Variants in SLC25A21 observed in about 807,000 individuals in gnomAD.
SLC25A21 encodes the protein mitochondrial 2-oxodicarboxylate carrier.
A neutral mutation model predicts 43.8 loss-of-function variants in SLC25A21; 47 were observed. The observed-to-expected ratio is 1.07, with a 90% confidence interval of 0.85 to 1.37. The LOEUF (loss-of-function observed/expected upper bound fraction) is 1.37, where lower values mean the gene tolerates loss of function less well. Ranked by LOEUF, SLC25A21 falls within the 40% of genes most tolerant of loss-of-function variation. SLC25A21 has a pLI of 0.00. For missense variants in SLC25A21, 352 were observed against 350.2 expected (o/e 1.00, Z -0.04); for synonymous variants, 131 against 121.3 (o/e 1.08, Z -0.52).
chr14:37,013,363 T>C (rs1960774897), intron 1 of SLC25A21, among the ~76,000 whole-genome samples: 2 of 152,292 alleles, frequency 1.3e-5, no homozygotes, highest in South Asian at 2.1e-4. Flanking sequence ...GGGTGACCTC[T>C]TACTGGGTTT....
chr14:37,055,518 T>C (rs1455496570), intron 1 of SLC25A21, among the ~76,000 whole-genome samples: 1 of 152,194 alleles, frequency 6.6e-6, no homozygotes, highest in Non-Finnish European at 1.5e-5. Context: ...GAACTTCTTA[T>C]GACTTGGGAG....
chr14:37,129,943 G>A (rs1018377353), intron 1 of SLC25A21, among the ~76,000 whole-genome samples: 1 of 151,944 alleles, frequency 6.6e-6, no homozygotes, highest in Non-Finnish European at 1.5e-5. Context: ...CAAAACCAAT[G>A]CCTTTAGCAT....
At chr14:37,109,762 A>G (rs1234925716) in intron 1 of SLC25A21, among the ~76,000 whole-genome samples, 1 of 152,134 alleles carries the variant, frequency 6.6e-6, no homozygotes, top group Non-Finnish European at 1.5e-5. Context: ...TGAGAAGATT[A>G]TATCTTTGGT....
At chr14:37,081,175 C>A (rs1884222) in intron 1 of SLC25A21, among the ~76,000 whole-genome samples, 173 of 152,196 alleles carry the variant, frequency 1.1e-3, no homozygotes, top group African/African-American at 3.7e-3. Flanking sequence ...TATTTGGGAA[C>A]GTGAGAAAAG....
chr14:36,860,047 A>G (rs1010717498), intron 2 of SLC25A21, among the ~76,000 whole-genome samples: 1 of 152,038 alleles, frequency 6.6e-6, no homozygotes, highest in Admixed American at 6.5e-5. Flanking sequence ...CTACACTCCA[A>G]TGGAAGTGGG....
intron 1 of SLC25A21, among the ~76,000 whole-genome samples, chr14:37,050,753 T>A (rs714269): frequency 2.8e-4 from 43 of 152,106 alleles, no homozygotes; most frequent in Middle Eastern, 3.4e-3. Context: ...AACCAAGTAC[T>A]TCTCAGATCC....
chr14:37,113,062 G>A (rs1358857485), intron 1 of SLC25A21, among the ~76,000 whole-genome samples: 2 of 152,002 alleles, frequency 1.3e-5, no homozygotes, highest in Non-Finnish European at 2.9e-5. Context: ...ACTCTAGCTC[G>A]GTCAAGTCAC....
intron 1 of SLC25A21, among the ~76,000 whole-genome samples, chr14:37,060,257 G>A (rs79501606): frequency 0.01 from 1,565 of 151,864 alleles, 32 homozygotes; most frequent in African/African-American, 0.036. Flanking sequence ...CGATCATGCT[G>A]ACACTGTGAT....
chr14:36,915,507 TCC>T (rs1891805939), intron 1 of SLC25A21, among the ~76,000 whole-genome samples: 1 of 151,878 alleles, frequency 6.6e-6, no homozygotes, highest in African/African-American at 2.4e-5. Context: ...AATAATACTG[TCC>T]ATCTTGTTAG....
At chr14:36,830,288 C>T (rs187895748) in intron 2 of SLC25A21, among the ~76,000 whole-genome samples, 2 of 152,314 alleles carry the variant, frequency 1.3e-5, no homozygotes, top group East Asian at 1.9e-4. Flanking sequence ...AAAGATGCTA[C>T]CTAAGCACCC....
At chr14:37,108,126 G>C (rs1962948869) in intron 1 of SLC25A21, among the ~76,000 whole-genome samples, 1 of 152,164 alleles carries the variant, frequency 6.6e-6, no homozygotes, top group African/African-American at 2.4e-5. Flanking sequence ...TGCCTCCCAA[G>C]ATGATATTAT....
At chr14:37,135,165 T>A (rs913863902) in intron 1 of SLC25A21, among the ~76,000 whole-genome samples, 1 of 152,142 alleles carries the variant, frequency 6.6e-6, no homozygotes, top group Non-Finnish European at 1.5e-5. Context: ...TGACCTCAAG[T>A]GATCCACCCA....
intron 1 of SLC25A21, among the ~76,000 whole-genome samples, chr14:36,978,153 T>C (rs1959925202): frequency 6.6e-6 from 1 of 152,140 alleles, no homozygotes; most frequent in Non-Finnish European, 1.5e-5. Context: ...AACAATATTC[T>C]GAGAAGTGGC....
chr14:36,998,633 A>G (rs1960422912), intron 1 of SLC25A21, among the ~76,000 whole-genome samples: 1 of 152,176 alleles, frequency 6.6e-6, no homozygotes, highest in Admixed American at 6.6e-5. Context: ...AATGTGTGAC[A>G]AAGAAGAGCC....
intron 2 of SLC25A21, among the ~76,000 whole-genome samples, chr14:36,827,958 C>A (rs186178776): frequency 7.2e-4 from 109 of 152,302 alleles, no homozygotes; most frequent in African/African-American, 2.5e-3. Flanking sequence ...AGACACAAGA[C>A]AACTTTTTTG....
rs184827027 is a variant in SLC25A21 at position 36,935,512 on chromosome 14, A to G, written c.71-60508T>C. Among the ~76,000 whole-genome samples the G allele has an allele frequency of 8.9e-4, 135 of 152,306 alleles. 1 individual carries two copies. Among genetic ancestry groups the G allele is most frequent in the Middle Eastern group, 6.8e-3 (2 of 294 alleles). ...TTAGGAGCAAACAGGTTTCTGTGGA[A>G]GCCACCTAATGTCTATACTTATCAT... On this transcript the variant is annotated intron_variant, in intron 1 of 9. Coordinates refer to ENST00000331299, the MANE Select transcript of SLC25A21 (RefSeq NM_030631.4).
At chr14:37,046,387 G>T (rs919128569) in intron 1 of SLC25A21, among the ~76,000 whole-genome samples, 1 of 152,040 alleles carries the variant, frequency 6.6e-6, no homozygotes, top group East Asian at 1.9e-4. Flanking sequence ...CCCAAAGAAG[G>T]CTGTGACTGC....
At chr14:37,113,217 T>C (rs1314370545) in intron 1 of SLC25A21, among the ~76,000 whole-genome samples, 1 of 152,186 alleles carries the variant, frequency 6.6e-6, no homozygotes, top group Non-Finnish European at 1.5e-5. Context: ...ATCTGCTAGC[T>C]TCTTATTACA....
intron 3 of SLC25A21, among the ~76,000 whole-genome samples, chr14:36,739,387 A>G (rs1885162191): frequency 6.6e-6 from 1 of 152,184 alleles, no homozygotes; most frequent in South Asian, 2.1e-4. Flanking sequence ...CTTAAGAGGC[A>G]CACCAGGAGG....
Sources: allele counts gnomAD v4.1 joint callset (sites outside exome capture counted in the v4.1 genomes callset), GRCh38; gene constraint gnomAD v4.1.1; transcripts MANE v1.5; gene names NCBI Gene and HGNC (gene_info 2026-07-23, HGNC 2026-07-21).